Variants in ZNF678 observed in about 807,000 individuals in gnomAD.
ZNF678 encodes hypothetical protein MGC42493.
In ZNF678, 5 loss-of-function variants were observed where a neutral mutation model predicts 3.0. That is an observed-to-expected ratio of 1.69 (90% CI 0.88 to 3.56). The LOEUF is 3.56. Ranked by LOEUF, ZNF678 falls within the 30% of genes most tolerant of loss-of-function variation. The pLI is 0.00. For synonymous variants in ZNF678, 218 were observed against 199.6 expected (o/e 1.09, Z -0.78); for missense variants, 593 against 605.0 (o/e 0.98, Z 0.21).
At chr1:227,613,239 CATT>C (rs549886069) in intron 1 of ZNF678, among the ~76,000 whole-genome samples, 102 of 152,294 alleles carry the variant, frequency 6.7e-4, no homozygotes, top group African/African-American at 2.3e-3. Context: ...AACTTTTCTG[CATT>C]ATTCTTCAGG....
rs1301206185 is a variant in ZNF678, at chr1:227,661,490, A to G, written c.*5662A>G. 2 of 152,190 alleles carry G rather than the reference A, an allele frequency of 1.3e-5. No individual in the cohort carries two copies. Among genetic ancestry groups the G allele is most frequent in the Admixed American group, 6.5e-5 (1 of 15,274 alleles). The allele number at this position is 152,190 out of a possible 1,614,324, so 9.4% of individuals were successfully genotyped here. On this transcript the variant is annotated 3_prime_UTR_variant, in exon 4 of 4. Coordinates refer to ENST00000343776, the MANE Select transcript of ZNF678 (RefSeq NM_001367909.1). ...GTTACAGAGAGTTTCAGTAAAATTCAGAAAAAAATAATAAATATGAACAGC... is the reference window on the plus strand; with the variant it reads ...GTTACAGAGAGTTTCAGTAAAATTCGGAAAAAAATAATAAATATGAACAGC...
downstream of ZNF678, among the ~76,000 whole-genome samples, chr1:227,678,616 C>T (rs979540578): frequency 6.6e-6 from 1 of 152,186 alleles, no homozygotes; most frequent in Non-Finnish European, 1.5e-5. Flanking sequence ...ACCTCTGTAA[C>T]CTGTTACCAT....
chr1:227,622,478 CTG>C (rs1174268221), intron 1 of ZNF678, among the ~76,000 whole-genome samples: 1 of 152,192 alleles, frequency 6.6e-6, no homozygotes, highest in Non-Finnish European at 1.5e-5. Context: ...CCACTTGAGG[CTG>C]TGTCTTGAAC....
At chr1:227,598,404 A>T in intron 1 of ZNF678, 1 of 1,439,028 alleles carries the variant, frequency 6.9e-7, no homozygotes, top group East Asian at 2.6e-5. Flanking sequence ...TTTATAAGGG[A>T]ATCCTGATTT....
chr1:227,599,013 G>A (rs1311363655), intron 1 of ZNF678: 1 of 1,423,040 alleles, frequency 7.0e-7, no homozygotes, highest in African/African-American at 1.4e-5. Context: ...TCCTCTTCTA[G>A]TTGCTCTTTT....
downstream of ZNF678, among the ~76,000 whole-genome samples, chr1:227,666,599 G>A (rs1157419228): frequency 1.3e-5 from 2 of 152,122 alleles, no homozygotes; most frequent in Admixed American, 6.5e-5. Flanking sequence ...TGACAGATAT[G>A]TGCCCTTGCA....
rs550001083 is a variant in ZNF678 at position 227,594,192 on chromosome 1, G to A, written c.-164+30468G>A. ...ATTCCTTTAGCACCTATTTTTATTA[G>A]TTTTTAAACCAAAGAAAGCCAGATA... On this transcript the variant is annotated intron_variant, in intron 1 of 3. Transcript: ENST00000343776. Among the ~76,000 whole-genome samples the A allele has an allele frequency of 5.9e-5, 9 of 152,212 alleles. No individual in the cohort carries two copies. The South Asian group carries it at 1.9e-3, about 32-fold the overall frequency.
chr1:227,610,793 A>G (rs141630178), intron 1 of ZNF678, among the ~76,000 whole-genome samples: 2 of 152,246 alleles, frequency 1.3e-5, no homozygotes, highest in African/African-American at 4.8e-5. Flanking sequence ...ATATCCACTC[A>G]AGTAGGGCAT....
In ZNF678 at chr1:227,655,650, G is replaced by A. The variant is rs201237726; in HGVS notation, c.1400G>A (p.Gly467Asp). 2.5e-6 allele frequency: 4 copies of A among 1,612,706 alleles called. No homozygotes were observed. Among genetic ancestry groups the A allele is most frequent in the Middle Eastern group, 1.7e-4 (1 of 6,052 alleles). ...AAACCCTACAAATGTGAAGAATGTG[G>A]CAAAGCCTTTAACCAGTTCTCAAGC... ...EEKPYKCEEC[G>D]KAFNQFSSLT... Residue 467 changes from glycine to aspartate, a missense_variant, in exon 4 of 4, where the codon GGC (glycine) becomes GAC (aspartate). Physicochemically the swap from Gly to Asp is moderately conservative, Grantham distance 94. Transcript: ENST00000343776.
Position 227,646,607 on chromosome 1 carries a change from C to A in ZNF678, c.-100C>A, listed in dbSNP as rs758937709. 1 of 1,372,460 alleles carries A rather than the reference C, an allele frequency of 7.3e-7. No homozygotes were observed. The highest frequency in any genetic ancestry group is 1.9e-5 in the Admixed American group (1 of 52,798). The allele number at this position is 1,372,460 out of a possible 1,614,324, so 85.0% of individuals were successfully genotyped here. On this transcript the variant is annotated 5_prime_UTR_variant, in exon 2 of 4. Coordinates refer to ENST00000343776, the MANE Select transcript of ZNF678 (RefSeq NM_001367909.1). ...TCCAGAGGAGTGGGCATGCCTGGAC[C>A]CTGCCCAGCGAAATTTGTATAGGGA... is the stretch of plus-strand genomic sequence containing the variant.
At position 227,628,325 on chromosome 1, in the gene ZNF678, T is replaced by G. The variant is rs542366013; in HGVS notation, c.-163-18219T>G. ...TTTCTGTGACATATAAAGAAAAGTC[T>G]TGCTCCATTGGCAAGCTTAACACTG... On this transcript the variant is annotated intron_variant, in intron 1 of 3. Transcript: ENST00000343776. Among the ~76,000 whole-genome samples the G allele has an allele frequency of 7.2e-5, 11 of 152,310 alleles. No homozygotes were observed. In the South Asian group the frequency reaches 2.3e-3, roughly 32 times the overall value.
chr1:227,670,727 A>G (rs1428734366), intron 5 of ZNF678, among the ~76,000 whole-genome samples: 7 of 152,210 alleles, frequency 4.6e-5, no homozygotes. Context: ...CCCCTCACCT[A>G]GAACTTTTCT....
At chr1:227,620,469 G>A (rs139927324) in intron 1 of ZNF678, among the ~76,000 whole-genome samples, 9 of 152,218 alleles carry the variant, frequency 5.9e-5, no homozygotes, top group East Asian at 3.9e-4. Flanking sequence ...AGGGACTTGC[G>A]TTGTTTCACG....
At chr1:227,574,005 A>T (rs1656924129) in intron 1 of ZNF678, among the ~76,000 whole-genome samples, 1 of 152,164 alleles carries the variant, frequency 6.6e-6, no homozygotes, top group Non-Finnish European at 1.5e-5. Flanking sequence ...GCATGATCTC[A>T]TTCTTTTTTA....
chr1:227,603,046 A>G (rs1313131672), intron 1 of ZNF678, among the ~76,000 whole-genome samples: 2 of 151,844 alleles, frequency 1.3e-5, no homozygotes, highest in Non-Finnish European at 2.9e-5. Context: ...CCATACAAGC[A>G]TGTGCATCTT....
chr1:227,661,275 T>G lies in ZNF678; in HGVS notation c.*5447T>G, dbSNP rs981478048. 2 of 148,426 alleles carry G rather than the reference T, an allele frequency of 1.3e-5. No individual in the cohort carries two copies. Among genetic ancestry groups the G allele is most frequent in the African/African-American group, 5.0e-5 (2 of 40,140 alleles). 9.2% of individuals were successfully genotyped at this position (148,426 alleles called of 1,614,324 possible). A position where few individuals can be genotyped will look rare whatever the true frequency, so the allele number is the denominator to read the frequency against. On this transcript the variant is annotated 3_prime_UTR_variant, in exon 4 of 4. Coordinates refer to ENST00000343776, the MANE Select transcript of ZNF678 (RefSeq NM_001367909.1). ...GTTGAACGTGGGACCTTTGTTTTTT[T>G]TTGTTGTTTTGTTTTGTTTTGTTTT...
At chr1:227,647,642 A>G (rs571283083) in intron 2 of ZNF678, among the ~76,000 whole-genome samples, 2 of 152,318 alleles carry the variant, frequency 1.3e-5, no homozygotes, top group African/African-American at 4.8e-5. Flanking sequence ...CTGCTTCAGA[A>G]AAGCCTGGTT....
In ZNF678 at chr1:227,589,694, A is replaced by C. The variant is rs973640685; in HGVS notation, c.-164+25970A>C. The stretch of plus-strand genomic sequence containing the variant: ...CATGCACCAGTAATCAGAACGAAAC[A>C]TAACAGGACAGGGATTTTTACAATG... On this transcript the variant is annotated intron_variant, in intron 1 of 3. Coordinates refer to ENST00000343776, the MANE Select transcript of ZNF678 (RefSeq NM_001367909.1). Among the ~76,000 whole-genome samples the C allele has an allele frequency of 1.3e-4, 19 of 151,740 alleles. 1 individual carries two copies. The highest frequency in any genetic ancestry group is 4.6e-4 in the African/African-American group (19 of 41,140).
chr1:227,581,246 A>G (rs1207710747), intron 1 of ZNF678, among the ~76,000 whole-genome samples: 2 of 151,930 alleles, frequency 1.3e-5, no homozygotes, highest in Non-Finnish European at 2.9e-5. Flanking sequence ...ATAAATATAC[A>G]TAAGTTATAA....
Sources: gnomAD v4.1 joint callset for allele counts (sites outside exome capture counted in the v4.1 genomes callset) on GRCh38, gnomAD v4.1.1 for gene constraint, MANE v1.5 for transcripts, NCBI Gene and HGNC (gene_info 2026-07-23, HGNC 2026-07-21) for gene names.